ENTREP2: variants seen among roughly 807,000 people sequenced by gnomAD.
The protein encoded by ENTREP2 is protein ENTREP2.
chr15:29,656,437 A>G, the ENTREP2 span, among the ~76,000 whole-genome samples: 4,703 of 152,216 alleles, frequency 0.031, 223 homozygotes, highest in African/African-American at 0.1. Context: ...AGGTTGCCCA[A>G]GCTGGTCTTG....
chr15:29,267,838 C>T, the ENTREP2 span: 1 of 152,144 alleles, frequency 6.6e-6, no homozygotes, highest in Non-Finnish European at 1.5e-5. Flanking sequence ...TTTTACAGGT[C>T]AAGAAACATC....
chr15:29,643,153 CA>C, the ENTREP2 span, among the ~76,000 whole-genome samples: 7,055 of 152,150 alleles, frequency 0.046, 186 homozygotes, highest in South Asian at 0.066. Context: ...GAAGCAAAAC[CA>C]AAAGTAGATA....
At chr15:29,572,237 T>C in the ENTREP2 span, among the ~76,000 whole-genome samples, 5 of 152,358 alleles carry the variant, frequency 3.3e-5, no homozygotes, top group East Asian at 1.9e-4. Context: ...ATAGAGTGAC[T>C]GATCTCAAAA....
chr15:29,502,871 T>C, the ENTREP2 span, among the ~76,000 whole-genome samples: 3 of 151,798 alleles, frequency 2.0e-5, no homozygotes, highest in Admixed American at 6.6e-5. Flanking sequence ...CATTGGCCAT[T>C]AGAAAAATAC....
At chr15:29,208,385 C>T in the ENTREP2 span, among the ~76,000 whole-genome samples, 5 of 152,162 alleles carry the variant, frequency 3.3e-5, no homozygotes, top group African/African-American at 1.2e-4. Flanking sequence ...TAGCTGACTC[C>T]TTAAAAACAT....
chr15:29,288,524 T>A, the ENTREP2 span, among the ~76,000 whole-genome samples: 275 of 152,330 alleles, frequency 1.8e-3, no homozygotes, highest in African/African-American at 6.4e-3. Context: ...CTCATAACTC[T>A]ATATTAAGTG....
the ENTREP2 span, among the ~76,000 whole-genome samples, chr15:29,322,610 CCAGA>C: frequency 3.3e-5 from 5 of 152,186 alleles, no homozygotes; most frequent in Admixed American, 2.6e-4. Context: ...AGATAAAAGG[CCAGA>C]CAGAGGCCAG....
chr15:29,588,040 A>G, the ENTREP2 span, among the ~76,000 whole-genome samples: 13 of 152,352 alleles, frequency 8.5e-5, no homozygotes, highest in South Asian at 8.3e-4. Flanking sequence ...GCAAATCACA[A>G]TTAGTTAAAA....
the ENTREP2 span, among the ~76,000 whole-genome samples, chr15:29,350,429 TTTG>T: frequency 6.6e-6 from 1 of 152,226 alleles, no homozygotes; most frequent in Admixed American, 6.5e-5. Flanking sequence ...TCAAAGAATT[TTTG>T]ATTGCCTCTA....
chr15:29,262,420 C>G, the ENTREP2 span, among the ~76,000 whole-genome samples: 3 of 152,316 alleles, frequency 2.0e-5, no homozygotes, highest in East Asian at 5.8e-4. Flanking sequence ...AGCAGACAGG[C>G]CTTGCTGGCT....
At chr15:29,163,452 G>C in the ENTREP2 span, among the ~76,000 whole-genome samples, 1 of 151,726 alleles carries the variant, frequency 6.6e-6, no homozygotes, top group African/African-American at 2.4e-5. Context: ...CAAGAAAATA[G>C]ATAGCTTAAA....
At chr15:29,234,370 C>G in the ENTREP2 span, 5 of 1,570,094 alleles carry the variant, frequency 3.2e-6, no homozygotes, top group Non-Finnish European at 4.4e-6. Flanking sequence ...ACAGAAATGT[C>G]ACTCTGCAGG....
At chr15:29,519,027 C>T in the ENTREP2 span, among the ~76,000 whole-genome samples, 1 of 152,118 alleles carries the variant, frequency 6.6e-6, no homozygotes, top group African/African-American at 2.4e-5. Context: ...TGAAATGCTC[C>T]CCAAGCTGTT....
the ENTREP2 span, among the ~76,000 whole-genome samples, chr15:29,224,423 C>A: frequency 2.6e-5 from 4 of 152,192 alleles, no homozygotes; most frequent in South Asian, 8.3e-4. Flanking sequence ...TCGGGCAGCC[C>A]GCTTTTAGTC....
the ENTREP2 span, among the ~76,000 whole-genome samples, chr15:29,628,338 T>C: frequency 6.6e-6 from 1 of 152,348 alleles, no homozygotes; most frequent in Non-Finnish European, 1.5e-5. Context: ...TTTGTTACTA[T>C]TGTTGTTGAG....
At chr15:29,669,392 C>T in the ENTREP2 span, among the ~76,000 whole-genome samples, 1 of 152,138 alleles carries the variant, frequency 6.6e-6, no homozygotes, top group Admixed American at 6.5e-5. Context: ...GTTCAGCCCC[C>T]TCGCCATGTG....
the ENTREP2 span, among the ~76,000 whole-genome samples, chr15:29,262,924 C>G: frequency 6.6e-6 from 1 of 152,176 alleles, no homozygotes; most frequent in Non-Finnish European, 1.5e-5. Context: ...GCTGCTTCCT[C>G]CGTAGGGGAA....
the ENTREP2 span, chr15:29,233,816 T>G: frequency 6.4e-7 from 1 of 1,574,658 alleles, no homozygotes; most frequent in Non-Finnish European, 8.7e-7. Context: ...TTGTTCACTG[T>G]CTGGCGAAGA....
the ENTREP2 span, among the ~76,000 whole-genome samples, chr15:29,382,755 G>A: frequency 1.3e-5 from 2 of 152,136 alleles, no homozygotes; most frequent in African/African-American, 2.4e-5. Flanking sequence ...GGCAACCTGA[G>A]GATGACACTG....
Sources: gnomAD v4.1 joint callset for allele counts (sites outside exome capture counted in the v4.1 genomes callset) on GRCh38, gnomAD v4.1.1 for gene constraint, MANE v1.5 for transcripts, NCBI Gene and HGNC (gene_info 2026-07-23, HGNC 2026-07-21) for gene names.